The following COL5A2 variants were observed in gnomAD, a reference collection of about 807,000 sequenced individuals.
COL5A2 encodes collagen alpha-2(V) chain.
A neutral mutation model predicts 208.2 loss-of-function variants in COL5A2; 23 were observed. The ratio of observed to expected loss-of-function variants is 0.11; its 90% CI spans 0.08 to 0.16. The LOEUF is 0.16. COL5A2 is among the 10% of genes least tolerant of loss of function. The pLI is 1.00. For missense variants in COL5A2, 1,590 were observed against 1,956.4 expected (o/e 0.81, Z 3.53); for synonymous variants, 625 against 628.5 (o/e 0.99, Z 0.08).
the COL5A2 span, among the ~76,000 whole-genome samples, chr2:189,300,360 G>A: frequency 2.6e-5 from 4 of 152,254 alleles, no homozygotes; most frequent in Admixed American, 2.6e-4. Flanking sequence ...TAGAGAGACT[G>A]TGTAAAATTG....
Position 189,052,967 on chromosome 2 carries a change from T to C in COL5A2, c.2605A>G (p.Lys869Glu). The change falls in exon 39 of 54, where the codon AAG becomes GAG. Residue 869 changes from lysine (K) to glutamate (E), a missense_variant. Coordinates refer to ENST00000374866, the MANE Select transcript of COL5A2 (RefSeq NM_000393.5). ...GGTCCAGGAGAACCAGCATCTCCCT[T>C]CTGTCCTGGCTCTCCAGGTTCACCT... is the stretch of plus-strand genomic sequence containing the variant. ...VKGEPGEPGQ[K>E]GDAGSPGPQG... 1 of 1,614,228 alleles carries C rather than the reference T, an allele frequency of 6.2e-7. No individual in the cohort carries two copies.
chr2:189,053,934 A>T lies in COL5A2; in HGVS notation c.2460T>A (p.Pro820=), dbSNP rs112367058. ...GPTGEKGEPG[P]RGLVGPPGSR... ...AGCCAGGAGGGCCAACTAAACCTCGAGGACCAGGTTCACCCTAGAAAGCAG... is the reference window on the plus strand; with the variant it reads ...AGCCAGGAGGGCCAACTAAACCTCGTGGACCAGGTTCACCCTAGAAAGCAG... Residue 820 remains proline, a synonymous_variant, in exon 37 of 54, where the codon CCT becomes CCA. Coordinates refer to ENST00000374866, the MANE Select transcript of COL5A2 (RefSeq NM_000393.5). 6.2e-7 allele frequency: 1 copy of T among 1,614,040 alleles called. No individual in the cohort carries two copies. The highest frequency in any genetic ancestry group is 8.5e-7 in the Non-Finnish European group (1 of 1,179,948).
the COL5A2 span, among the ~76,000 whole-genome samples, chr2:189,295,371 A>C: frequency 6.6e-6 from 1 of 152,164 alleles, no homozygotes; most frequent in Non-Finnish European, 1.5e-5. Flanking sequence ...TGGGAGGCCA[A>C]GGTTGGGGGG....
the COL5A2 span, among the ~76,000 whole-genome samples, chr2:189,310,688 T>C: frequency 1.6e-4 from 24 of 151,758 alleles, no homozygotes; most frequent in Admixed American, 7.2e-4. Flanking sequence ...TATCAATAGA[T>C]GAATGGATAA....
the COL5A2 span, among the ~76,000 whole-genome samples, chr2:189,263,111 C>G: frequency 3.5e-3 from 532 of 152,162 alleles, 3 homozygotes; most frequent in African/African-American, 0.012. Flanking sequence ...GAATTCTTCC[C>G]TGCATTCCAG....
intron 21 of COL5A2, among the ~76,000 whole-genome samples, chr2:189,067,214 T>A (rs974403139): frequency 6.6e-6 from 1 of 152,158 alleles, no homozygotes; most frequent in Non-Finnish European, 1.5e-5. Flanking sequence ...TTATTGAGAA[T>A]TTAGCAACTT....
At chr2:189,179,479 A>T in intron 1 of COL5A2, 29 bp downstream of exon 1, 6 of 1,605,118 alleles carry the variant, frequency 3.7e-6, no homozygotes, top group Non-Finnish European at 5.1e-6. Context: ...TGCAATAAAC[A>T]CTACAAGCAA....
the COL5A2 span, among the ~76,000 whole-genome samples, chr2:189,272,962 C>T: frequency 1.3e-5 from 2 of 152,048 alleles, no homozygotes; most frequent in African/African-American, 2.4e-5. Context: ...AGGAAATGAC[C>T]GGGTGGTTCT....
At chr2:189,299,271 TA>T in the COL5A2 span, among the ~76,000 whole-genome samples, 3,332 of 152,048 alleles carry the variant, frequency 0.022, 120 homozygotes, top group African/African-American at 0.076. Context: ...CCATTGACTT[TA>T]AAAAAAACAG....
chr2:189,054,661 T>A (rs1254928740), intron 35 of COL5A2, among the ~76,000 whole-genome samples: 1 of 151,342 alleles, frequency 6.6e-6, no homozygotes, highest in Non-Finnish European at 1.5e-5. Flanking sequence ...AAAATTGAAA[T>A]TGTGTTAAGG....
At chr2:189,332,622 C>T in the COL5A2 span, among the ~76,000 whole-genome samples, 1 of 152,194 alleles carries the variant, frequency 6.6e-6, no homozygotes, top group Non-Finnish European at 1.5e-5. Flanking sequence ...TCTTTGCCTG[C>T]TGCCATCCAT....
chr2:189,077,420 G>A lies in COL5A2; in HGVS notation c.1059+1096C>T, dbSNP rs989569182. ...TTTAATGATGTGGATACACTGTCTC[G>A]TGATATTGCAATTTAATACCCTGGT... On this transcript the variant is annotated intron_variant, in intron 16 of 53. Transcript: ENST00000374866. Among the ~76,000 whole-genome samples, 7 of 152,234 alleles carry A rather than the reference G, an allele frequency of 4.6e-5. No homozygotes were observed. The East Asian group carries it at 7.7e-4, about 17-fold the overall frequency.
intron 1 of COL5A2, among the ~76,000 whole-genome samples, chr2:189,218,239 TGACC>T (rs1194236231): frequency 6.6e-6 from 1 of 152,218 alleles, no homozygotes; most frequent in African/African-American, 2.4e-5. Flanking sequence ...CCTCAGAATG[TGACC>T]TTATTTAGAA....
chr2:189,252,855 AG>A, the COL5A2 span, among the ~76,000 whole-genome samples: 1 of 152,348 alleles, frequency 6.6e-6, no homozygotes, highest in African/African-American at 2.4e-5. Context: ...ATTTTAGTAT[AG>A]CTGGGACATT....
intron 1 of COL5A2, among the ~76,000 whole-genome samples, chr2:189,200,748 G>A (rs1416143446): frequency 6.7e-6 from 1 of 150,090 alleles, no homozygotes; most frequent in Admixed American, 6.7e-5. Flanking sequence ...AATACATAAT[G>A]AGGGAAAAAG....
chr2:189,098,432 A>G (rs755007240), intron 5 of COL5A2, among the ~76,000 whole-genome samples: 2 of 152,244 alleles, frequency 1.3e-5, no homozygotes, highest in Non-Finnish European at 2.9e-5. Flanking sequence ...CCCTAATTTC[A>G]GTGAACAAAG....
chr2:189,053,327 T>C, intron 38 of COL5A2, 97 bp downstream of exon 38: 1 of 1,143,994 alleles, frequency 8.7e-7, no homozygotes, highest in African/African-American at 1.5e-5. Context: ...CTGTAAATTT[T>C]CCAGAATACG....
intron 48 of COL5A2, 123 bp from the exon 49 acceptor site, chr2:189,042,896 GCAATGTCTA>G: frequency 1.1e-6 from 1 of 951,986 alleles, no homozygotes; most frequent in South Asian, 1.4e-5. Flanking sequence ...ACCAATCTCT[GCAATGTCTA>G]CATGAGTTGA....
At chr2:189,309,645 C>T in the COL5A2 span, among the ~76,000 whole-genome samples, 1 of 152,286 alleles carries the variant, frequency 6.6e-6, no homozygotes, top group South Asian at 2.1e-4. Flanking sequence ...ACTTTCACTC[C>T]TGTTTTAAAA....
Sources: allele counts gnomAD v4.1 joint callset (sites outside exome capture counted in the v4.1 genomes callset), GRCh38; gene constraint gnomAD v4.1.1; transcripts MANE v1.5; gene names NCBI Gene and HGNC (gene_info 2026-07-23, HGNC 2026-07-21).